SGK3: variants seen among roughly 807,000 people sequenced by gnomAD.
The protein encoded by SGK3 is serum/glucocorticoid regulated kinase family member 3.
A neutral mutation model predicts 68.5 loss-of-function variants in SGK3; 47 were observed. The ratio of observed to expected loss-of-function variants is 0.69; its 90% CI spans 0.54 to 0.87. The LOEUF (loss-of-function observed/expected upper bound fraction) is 0.87, where lower values mean the gene tolerates loss of function less well. Among genes scored for constraint, SGK3 ranks in the 40% least tolerant of loss-of-function variants. The pLI, the probability that SGK3 is intolerant of heterozygous loss-of-function variation, is 0.00. For missense variants in SGK3, 479 were observed against 575.5 expected (o/e 0.83, Z 1.72); for synonymous variants, 181 against 189.1 (o/e 0.96, Z 0.35).
chr8:66,740,564 C>A (rs1805449461), intron 1 of SGK3, among the ~76,000 whole-genome samples: 1 of 152,164 alleles, frequency 6.6e-6, no homozygotes, highest in Admixed American at 6.5e-5. Flanking sequence ...CAAACTCAGC[C>A]TTTGTGCTTG....
At chr8:66,729,490 G>A (rs564981492) in intron 1 of SGK3, among the ~76,000 whole-genome samples, 1 of 151,910 alleles carries the variant, frequency 6.6e-6, no homozygotes, top group South Asian at 2.1e-4. Flanking sequence ...AAATCCTGTT[G>A]TATGAATATA....
At chr8:66,742,949 T>C (rs1351348045) in intron 1 of SGK3, among the ~76,000 whole-genome samples, 1 of 152,222 alleles carries the variant, frequency 6.6e-6, no homozygotes, top group Admixed American at 6.5e-5. Flanking sequence ...GTTTTCCTGC[T>C]TTTGAGCCTT....
Position 66,827,704 on chromosome 8 carries a change from T to TA in SGK3, c.418-950_418-949insA, listed in dbSNP as rs546477711. On this transcript the variant is annotated intron_variant, in intron 6 of 16. Coordinates refer to ENST00000521198, the MANE Select transcript of SGK3 (RefSeq NM_001033578.3). ...AACTAGAATCTTTTATTACTTAAATTTCTTCATAGCATACTAGGTAAATAA... is the reference window on the plus strand; with the variant it reads ...AACTAGAATCTTTTATTACTTAAATTATCTTCATAGCATACTAGGTAAATAA... Among the ~76,000 whole-genome samples, 16 of 152,254 alleles carry TA rather than the reference T, an allele frequency of 1.1e-4. No homozygotes were observed. The East Asian group carries it at 2.9e-3, about 28-fold the overall frequency.
chr8:66,724,480 G>A (rs1804920586), intron 1 of SGK3, among the ~76,000 whole-genome samples: 1 of 152,208 alleles, frequency 6.6e-6, no homozygotes, highest in South Asian at 2.1e-4. Context: ...GGAGGCTGAG[G>A]CAGGAAAATT....
chr8:66,760,910 G>A (rs762929657), intron 1 of SGK3, among the ~76,000 whole-genome samples: 1 of 151,788 alleles, frequency 6.6e-6, no homozygotes, highest in Non-Finnish European at 1.5e-5. Flanking sequence ...CCAGCTACTT[G>A]GGAGGCTGAG....
chr8:66,741,507 A>T, intron 1 of SGK3, among the ~76,000 whole-genome samples: 1 of 151,800 alleles, frequency 6.6e-6, no homozygotes, highest in South Asian at 2.1e-4. Context: ...CTGAGATCGC[A>T]CCGCTGCACT....
chr8:66,780,163 A>G (rs1313712727), intron 1 of SGK3, among the ~76,000 whole-genome samples: 1 of 152,240 alleles, frequency 6.6e-6, no homozygotes, highest in South Asian at 2.1e-4. Context: ...TAGTACATAT[A>G]GTACTTGGAG....
intron 1 of SGK3, among the ~76,000 whole-genome samples, chr8:66,764,254 CTT>C (rs1806253371): frequency 6.6e-6 from 1 of 151,594 alleles, no homozygotes; most frequent in African/African-American, 2.4e-5. Flanking sequence ...TTTTACAGTT[CTT>C]TTGTCCTTTG....
chr8:66,723,570 A>G (rs528509153), intron 1 of SGK3, among the ~76,000 whole-genome samples: 7 of 152,190 alleles, frequency 4.6e-5, no homozygotes, highest in South Asian at 4.1e-4. Context: ...CAGCCTCCCA[A>G]GTAGCTGGGA....
At chr8:66,815,085 T>G (rs1466022582) in intron 5 of SGK3, among the ~76,000 whole-genome samples, 1 of 152,196 alleles carries the variant, frequency 6.6e-6, no homozygotes, top group African/African-American at 2.4e-5. Context: ...AGAACTGTAT[T>G]TTTGAGTAAT....
At chr8:66,838,373 T>G (rs1809628564) in intron 10 of SGK3, among the ~76,000 whole-genome samples, 1 of 152,192 alleles carries the variant, frequency 6.6e-6, no homozygotes, top group African/African-American at 2.4e-5. Context: ...TGAAATTTTC[T>G]TATTTATAAA....
intron 2 of SGK3, among the ~76,000 whole-genome samples, chr8:66,797,127 C>A (rs999659693): frequency 1.3e-5 from 2 of 152,178 alleles, no homozygotes; most frequent in African/African-American, 4.8e-5. Context: ...CAGCTTGTAA[C>A]GTAGACTTGC....
At chr8:66,816,973 G>T (rs1030857895) in intron 5 of SGK3, among the ~76,000 whole-genome samples, 6 of 152,078 alleles carry the variant, frequency 3.9e-5, no homozygotes, top group Admixed American at 3.3e-4. Flanking sequence ...TGGGATTACA[G>T]GTGTGAGCCA....
chr8:66,743,593 C>A (rs150747360), intron 1 of SGK3, among the ~76,000 whole-genome samples: 1 of 152,374 alleles, frequency 6.6e-6, no homozygotes, highest in African/African-American at 2.4e-5. Context: ...GTGATCTCAG[C>A]TCACTGCAAC....
At chr8:66,714,979 C>A (rs1445680433) in intron 1 of SGK3, among the ~76,000 whole-genome samples, 1 of 152,188 alleles carries the variant, frequency 6.6e-6, no homozygotes, top group African/African-American at 2.4e-5. Context: ...TCTTTCAAAA[C>A]ATGTCTCTCA....
At chr8:66,808,513 ATT>A (rs35147550) in intron 4 of SGK3, among the ~76,000 whole-genome samples, 47 of 140,918 alleles carry the variant, frequency 3.3e-4, no homozygotes, top group African/African-American at 7.5e-4. Context: ...AAATCCTGTA[ATT>A]TTTTTTTTTT....
At chr8:66,799,617 T>C (rs890120381) in intron 3 of SGK3, among the ~76,000 whole-genome samples, 1 of 152,174 alleles carries the variant, frequency 6.6e-6, no homozygotes, top group Non-Finnish European at 1.5e-5. Context: ...AAATCCCCAA[T>C]GTATTTATTT....
intron 4 of SGK3, among the ~76,000 whole-genome samples, chr8:66,813,318 T>G (rs1397236635): frequency 1.3e-5 from 2 of 152,228 alleles, no homozygotes; most frequent in South Asian, 2.1e-4. Flanking sequence ...AAAGTATGCC[T>G]GTGCATTTTT....
intron 5 of SGK3, among the ~76,000 whole-genome samples, chr8:66,816,296 T>C (rs1563642648): frequency 1.3e-5 from 2 of 151,076 alleles, no homozygotes; most frequent in African/African-American, 4.9e-5. Context: ...TAAACTTAAT[T>C]TTTTAACTGG....
Sources: gnomAD v4.1 joint callset for allele counts (sites outside exome capture counted in the v4.1 genomes callset) on GRCh38, gnomAD v4.1.1 for gene constraint, MANE v1.5 for transcripts, NCBI Gene and HGNC (gene_info 2026-07-23, HGNC 2026-07-21) for gene names.